The following RBFOX2 variants were observed in gnomAD, a reference collection of about 807,000 sequenced individuals.
The protein encoded by RBFOX2 is RNA binding protein fox-1 homolog 2.
In RBFOX2, 10 loss-of-function variants were observed where a neutral mutation model predicts 49.1. That is an observed-to-expected ratio of 0.20 (90% CI 0.13 to 0.35). The LOEUF (loss-of-function observed/expected upper bound fraction) is 0.35. RBFOX2 is among the 10% of genes least tolerant of loss of function. RBFOX2 has a pLI of 1.00. For missense variants in RBFOX2, 323 were observed against 486.9 expected (o/e 0.66, Z 3.17); for synonymous variants, 183 against 187.4 (o/e 0.98, Z 0.19).
At chr22:35,783,496 A>T (rs1010732096) in intron 2 of RBFOX2, among the ~76,000 whole-genome samples, 11 of 152,062 alleles carry the variant, frequency 7.2e-5, no homozygotes, top group African/African-American at 2.7e-4. Context: ...GGTGGGAAAA[A>T]CCTACAACAT....
chr22:35,792,515 T>C (rs1165677495), intron 2 of RBFOX2, among the ~76,000 whole-genome samples: 1 of 152,294 alleles, frequency 6.6e-6, no homozygotes, highest in South Asian at 2.1e-4. Flanking sequence ...AATAAGATTA[T>C]GACATATTTA....
chr22:35,745,683 C>A (rs184736810), intron 11 of RBFOX2, among the ~76,000 whole-genome samples: 1 of 152,314 alleles, frequency 6.6e-6, no homozygotes, highest in Admixed American at 6.5e-5. Flanking sequence ...CATGCCACTA[C>A]TCGGGGCATA....
chr22:35,753,413 T>G lies in RBFOX2; in HGVS notation c.887+6475A>C, dbSNP rs138049046. Among the ~76,000 whole-genome samples the G allele has an allele frequency of 8.3e-3, 1,259 of 152,364 alleles. 58 individuals are homozygous for G. Among genetic ancestry groups the G allele is most frequent in the Admixed American group, 0.075 (1,142 of 15,306 alleles). On this transcript the variant is annotated intron_variant, in intron 9 of 11. Transcript: ENST00000405409. Reference sequence around the variant, plus strand: ...AACTCAGTAGTTACCTCATAAAGTATTCTTGCTTTTCATGTAGGGGCATGG... The same window carrying G: ...AACTCAGTAGTTACCTCATAAAGTAGTCTTGCTTTTCATGTAGGGGCATGG...
chr22:35,910,277 C>G (rs2049648160), intron 1 of RBFOX2, among the ~76,000 whole-genome samples: 1 of 152,192 alleles, frequency 6.6e-6, no homozygotes, highest in Admixed American at 6.5e-5. Flanking sequence ...ACTCTATGGT[C>G]AAATTAACTT....
chr22:35,946,267 T>C (rs1268444351), intron 1 of RBFOX2, among the ~76,000 whole-genome samples: 1 of 152,202 alleles, frequency 6.6e-6, no homozygotes, highest in Admixed American at 6.5e-5. Flanking sequence ...TCTCAAATCA[T>C]ATAAACTATT....
chr22:35,768,281 G>A (rs573361634), exon 5 of RBFOX2: 6 of 1,613,870 alleles, frequency 3.7e-6, no homozygotes, highest in South Asian at 1.1e-5. Flanking sequence ...CCTCTACCAC[G>A]GTGCCGTGTA....
At chr22:35,820,273 C>T (rs1262852566) in intron 1 of RBFOX2, among the ~76,000 whole-genome samples, 3 of 152,144 alleles carry the variant, frequency 2.0e-5, no homozygotes, top group Admixed American at 6.5e-5. Context: ...TGTTGGGAGG[C>T]GACCCTGATA....
chr22:35,878,720 G>C (rs941321732), intron 1 of RBFOX2, among the ~76,000 whole-genome samples: 7 of 151,990 alleles, frequency 4.6e-5, no homozygotes, highest in African/African-American at 1.7e-4. Context: ...GGGATTATAG[G>C]GATAAACCAC....
At chr22:35,826,046 C>CAAAAAAAAAAAAAA (rs71736820) in intron 1 of RBFOX2, among the ~76,000 whole-genome samples, 1 of 100,860 alleles carries the variant, frequency 9.9e-6, no homozygotes, top group South Asian at 3.4e-4. Context: ...TTGCTTTTGG[C>CAAAAAAAAAAAAAA]AAAAAAAAAA....
At chr22:35,958,723 CA>C (rs1341947389) in intron 1 of RBFOX2, among the ~76,000 whole-genome samples, 1 of 152,182 alleles carries the variant, frequency 6.6e-6, no homozygotes, top group Non-Finnish European at 1.5e-5. Context: ...CAAACAACTT[CA>C]AACCTACCGA....
chr22:35,802,565 GC>G (rs1487519409), intron 2 of RBFOX2, among the ~76,000 whole-genome samples: 1 of 151,976 alleles, frequency 6.6e-6, no homozygotes, highest in African/African-American at 2.4e-5. Flanking sequence ...ATAAAAACCA[GC>G]AATTTTCACT....
chr22:35,901,645 A>G (rs2048588189), intron 1 of RBFOX2, among the ~76,000 whole-genome samples: 1 of 152,202 alleles, frequency 6.6e-6, no homozygotes, highest in South Asian at 2.1e-4. Context: ...TATGATGTCT[A>G]AACTAAGCTC....
At position 36,023,007 on chromosome 22, in the gene RBFOX2, C is replaced by A. The variant is rs80347368; in HGVS notation, c.186+5233G>T. ...CTGTGGCAGCCCAAGGACACTGGGA[C>A]AGGGAGAGATGAAAAATTCAGTAAT... On this transcript the variant is annotated intron_variant, in intron 1 of 13. Transcript: ENST00000438146. Among the ~76,000 whole-genome samples the A allele has an allele frequency of 3.5e-3, 536 of 151,720 alleles. 1 individual carries two copies. Among genetic ancestry groups the A allele is most frequent in the African/African-American group, 0.012 (476 of 41,332 alleles).
intron 9 of RBFOX2, chr22:35,752,778 A>T (rs1263681864): frequency 2.8e-6 from 1 of 351,164 alleles, no homozygotes; most frequent in African/African-American, 2.2e-5. Flanking sequence ...CATGCTTTTC[A>T]CAGGAGGTGA....
chr22:35,897,947 C>A, intron 1 of RBFOX2: 1 of 768,860 alleles, frequency 1.3e-6, no homozygotes, highest in Non-Finnish European at 2.3e-6. Flanking sequence ...GACACCTGAG[C>A]AATTGCTTGG....
chr22:35,851,087 C>A (rs982113913), intron 1 of RBFOX2, among the ~76,000 whole-genome samples: 1 of 152,134 alleles, frequency 6.6e-6, no homozygotes, highest in Non-Finnish European at 1.5e-5. Context: ...ATGCCCCGCC[C>A]CCATCAGTGT....
chr22:35,852,197 A>T (rs1603411322), intron 1 of RBFOX2, among the ~76,000 whole-genome samples: 5 of 152,332 alleles, frequency 3.3e-5, no homozygotes, highest in African/African-American at 1.2e-4. Context: ...CTACAAGAGG[A>T]TGAACATAGG....
chr22:35,913,457 T>C (rs1334102565), intron 1 of RBFOX2, among the ~76,000 whole-genome samples: 1 of 151,374 alleles, frequency 6.6e-6, no homozygotes, highest in Admixed American at 6.6e-5. Context: ...TAACAGGATA[T>C]ATATATCCTG....
chr22:35,799,041 C>T (rs957792779), intron 2 of RBFOX2, among the ~76,000 whole-genome samples: 5 of 152,174 alleles, frequency 3.3e-5, no homozygotes, highest in Admixed American at 1.3e-4. Context: ...AAGCCTTCCC[C>T]ACCACTAGAA....
Sources: gnomAD v4.1 joint callset for allele counts (sites outside exome capture counted in the v4.1 genomes callset) on GRCh38, gnomAD v4.1.1 for gene constraint, MANE v1.5 for transcripts, NCBI Gene and HGNC (gene_info 2026-07-23, HGNC 2026-07-21) for gene names.